The following DPP10 variants were observed in gnomAD, a reference collection of about 807,000 sequenced individuals.
DPP10 encodes the protein inactive dipeptidyl peptidase 10.
DPP10 carries 33 observed loss-of-function variants against 120.9 expected under a neutral mutation model. The observed-to-expected ratio is 0.27, with a 90% CI of 0.21 to 0.37. DPP10 has a LOEUF of 0.37. Among genes scored for constraint, DPP10 ranks in the 10% least tolerant of loss-of-function variants. DPP10 has a pLI of 1.00. For missense variants in DPP10, 816 were observed against 942.8 expected, an observed-to-expected ratio of 0.87 and a Z score of 1.76; for synonymous variants, 337 against 326.1, an observed-to-expected ratio of 1.03 and a Z score of -0.36.
chr2:115,188,230 G>A (rs2054606605), intron 1 of DPP10, among the ~76,000 whole-genome samples: 1 of 152,194 alleles, frequency 6.6e-6, no homozygotes, highest in South Asian at 2.1e-4. Context: ...TTATTTGTAT[G>A]CTTTTCCTTC....
chr2:115,592,089 C>T (rs1214513671), intron 5 of DPP10, among the ~76,000 whole-genome samples: 53 of 152,120 alleles, frequency 3.5e-4, no homozygotes, highest in Admixed American at 3.5e-3. Context: ...TGAAAAATCA[C>T]TGACATGAGG....
chr2:114,472,911 C>T (rs1002545876), intron 1 of DPP10, among the ~76,000 whole-genome samples: 1 of 152,178 alleles, frequency 6.6e-6, no homozygotes, highest in Non-Finnish European at 1.5e-5. Flanking sequence ...TCTACCTTAG[C>T]CAATCTCCTC....
intron 3 of DPP10, among the ~76,000 whole-genome samples, chr2:115,386,350 CAG>C (rs1485364635): frequency 1.3e-5 from 2 of 152,090 alleles, no homozygotes; most frequent in Non-Finnish European, 1.5e-5. Context: ...GAAAAATAAA[CAG>C]AACTTTATTG....
chr2:115,472,427 A>G (rs2074790594), intron 3 of DPP10, among the ~76,000 whole-genome samples: 1 of 152,186 alleles, frequency 6.6e-6, no homozygotes, highest in African/African-American at 2.4e-5. Flanking sequence ...AATTCATTGT[A>G]CTGTTATTTT....
chr2:115,648,597 A>G (rs559634692), intron 5 of DPP10, among the ~76,000 whole-genome samples: 7 of 151,860 alleles, frequency 4.6e-5, no homozygotes, highest in African/African-American at 1.7e-4. Context: ...AATCCTGCAC[A>G]TGTACCCCGG....
At chr2:114,630,913 A>G (rs536117177) in intron 1 of DPP10, among the ~76,000 whole-genome samples, 1 of 152,104 alleles carries the variant, frequency 6.6e-6, no homozygotes, top group Admixed American at 6.6e-5. Flanking sequence ...CGATTGAACT[A>G]TCTGGAACAT....
At chr2:115,038,258 T>C (rs1259261349) in intron 1 of DPP10, among the ~76,000 whole-genome samples, 6 of 149,996 alleles carry the variant, frequency 4.0e-5, no homozygotes, top group African/African-American at 9.8e-5. Flanking sequence ...TTATTTATTA[T>C]TTTATTTATT....
At chr2:115,657,404 A>T (rs1041902904) in intron 5 of DPP10, among the ~76,000 whole-genome samples, 1 of 151,874 alleles carries the variant, frequency 6.6e-6, no homozygotes, top group Non-Finnish European at 1.5e-5. Flanking sequence ...ACAAAAATAC[A>T]TTTCTTTTAA....
At chr2:115,619,455 A>G (rs1373918665) in intron 5 of DPP10, among the ~76,000 whole-genome samples, 2 of 152,294 alleles carry the variant, frequency 1.3e-5, no homozygotes, top group South Asian at 2.1e-4. Context: ...TTTCTATAAT[A>G]AAAAGTCTAC....
intron 5 of DPP10, among the ~76,000 whole-genome samples, chr2:115,590,607 A>G (rs1191305229): frequency 6.6e-6 from 1 of 152,166 alleles, no homozygotes; most frequent in Non-Finnish European, 1.5e-5. Flanking sequence ...TTGCTATTGC[A>G]AATAGTGCCA....
At chr2:115,262,146 A>G (rs1260987440) in intron 1 of DPP10, among the ~76,000 whole-genome samples, 1 of 152,124 alleles carries the variant, frequency 6.6e-6, no homozygotes, top group Non-Finnish European at 1.5e-5. Context: ...TCATATCTCT[A>G]TGTCTTTTAA....
intron 1 of DPP10, among the ~76,000 whole-genome samples, chr2:114,562,840 A>C (rs1415598427): frequency 1.3e-5 from 2 of 152,216 alleles, no homozygotes; most frequent in Non-Finnish European, 2.9e-5. Context: ...AGTTGATTTA[A>C]TGTGAAGGGA....
chr2:115,295,590 T>C (rs886103794), intron 1 of DPP10, among the ~76,000 whole-genome samples: 1 of 152,132 alleles, frequency 6.6e-6, no homozygotes, highest in Non-Finnish European at 1.5e-5. Context: ...TAATGTGTTC[T>C]TTCTTTCCTT....
chr2:114,884,716 C>A (rs1202004737), intron 1 of DPP10, among the ~76,000 whole-genome samples: 1 of 152,152 alleles, frequency 6.6e-6, no homozygotes, highest in South Asian at 2.1e-4. Context: ...CTCCTCCCAC[C>A]CTTCCCCCAA....
At chr2:115,448,963 A>C (rs185794399) in intron 3 of DPP10, among the ~76,000 whole-genome samples, 1 of 152,138 alleles carries the variant, frequency 6.6e-6, no homozygotes, top group Non-Finnish European at 1.5e-5. Context: ...TCTCATACCT[A>C]GAATAGTTCT....
chr2:114,946,080 A>G (rs1475188408), intron 1 of DPP10, among the ~76,000 whole-genome samples: 1 of 152,198 alleles, frequency 6.6e-6, no homozygotes, highest in Non-Finnish European at 1.5e-5. Context: ...GAAGAACCTG[A>G]AAAGACATGT....
chr2:115,589,435 G>A (rs1399003065), intron 5 of DPP10, among the ~76,000 whole-genome samples: 1 of 152,134 alleles, frequency 6.6e-6, no homozygotes, highest in African/African-American at 2.4e-5. Flanking sequence ...AGGTCAACTT[G>A]GAGGGAAAGA....
At chr2:115,359,303 C>A (rs956982790) in intron 3 of DPP10, among the ~76,000 whole-genome samples, 22 of 152,176 alleles carry the variant, frequency 1.4e-4, no homozygotes, top group Non-Finnish European at 2.1e-4. Flanking sequence ...CCCTTAAAGA[C>A]CTCTTGTAAG....
At chr2:115,290,890 T>C (rs1413935505) in intron 1 of DPP10, among the ~76,000 whole-genome samples, 1 of 152,130 alleles carries the variant, frequency 6.6e-6, no homozygotes, top group African/African-American at 2.4e-5. Flanking sequence ...GGCAAATCAT[T>C]TTGACAGTCT....
Sources: allele counts gnomAD v4.1 joint callset (sites outside exome capture counted in the v4.1 genomes callset), GRCh38; gene constraint gnomAD v4.1.1; transcripts MANE v1.5; gene names NCBI Gene and HGNC (gene_info 2026-07-23, HGNC 2026-07-21).